The following CDH18 variants were observed in gnomAD, a reference collection of about 807,000 sequenced individuals.
The protein encoded by CDH18 is cadherin 18, also known as cadherin-18.
In CDH18, 31 loss-of-function variants were observed where a neutral mutation model predicts 67.9. The observed-to-expected ratio is 0.46, with a 90% CI of 0.34 to 0.62. CDH18 has a LOEUF of 0.62. Ranked by LOEUF, CDH18 falls within the 20% of genes least tolerant of loss-of-function variation. The pLI is 0.01. For synonymous variants in CDH18, 362 were observed against 347.2 expected, an observed-to-expected ratio of 1.04 and a Z score of -0.48; for missense variants, 890 against 975.5, an observed-to-expected ratio of 0.91 and a Z score of 1.17.
intron 2 of CDH18, among the ~76,000 whole-genome samples, chr5:19,944,358 A>G (rs1273646841): frequency 2.6e-5 from 4 of 152,120 alleles, no homozygotes; most frequent in Non-Finnish European, 5.9e-5. Context: ...TTAATTGGTA[A>G]AACATAAAAC....
At chr5:20,304,929 G>A (rs181298006) in intron 1 of CDH18, 5 of 1,613,378 alleles carry the variant, frequency 3.1e-6, no homozygotes, top group African/African-American at 1.3e-5. Context: ...TTGTATTCAC[G>A]TGCTTCACTA....
At chr5:19,660,891 G>A in intron 5 of CDH18, among the ~76,000 whole-genome samples, 1 of 152,006 alleles carries the variant, frequency 6.6e-6, no homozygotes, top group Non-Finnish European at 1.5e-5. Context: ...GCACTGTGAG[G>A]CAAGAGATGG....
intron 1 of CDH18, among the ~76,000 whole-genome samples, chr5:20,330,853 A>T (rs1382538727): frequency 6.6e-6 from 1 of 152,192 alleles, no homozygotes; most frequent in Non-Finnish European, 1.5e-5. Flanking sequence ...ACTTCTGTTC[A>T]TTCCTGCTAT....
chr5:20,496,477 T>C (rs1368157166), intron 1 of CDH18, among the ~76,000 whole-genome samples: 2 of 152,144 alleles, frequency 1.3e-5, no homozygotes, highest in African/African-American at 4.8e-5. Context: ...TATTTAATAT[T>C]TTACACATAG....
intron 2 of CDH18, among the ~76,000 whole-genome samples, chr5:20,014,420 C>A (rs1737711382): frequency 6.6e-6 from 1 of 151,980 alleles, no homozygotes; most frequent in African/African-American, 2.4e-5. Context: ...GGAAAGTCTT[C>A]CTAGAAAAGA....
intron 1 of CDH18, among the ~76,000 whole-genome samples, chr5:20,553,165 A>G (rs1757730324): frequency 6.6e-6 from 1 of 152,212 alleles, no homozygotes; most frequent in African/African-American, 2.4e-5. Context: ...CAGGATTTAT[A>G]AAACAGCTAA....
intron 3 of CDH18, among the ~76,000 whole-genome samples, chr5:19,784,543 G>A (rs984906951): frequency 1.3e-5 from 2 of 152,134 alleles, no homozygotes; most frequent in Non-Finnish European, 2.9e-5. Context: ...ATAAAACAAT[G>A]CTTGAAATTT....
chr5:20,344,208 G>A (rs1740514964), intron 1 of CDH18, among the ~76,000 whole-genome samples: 1 of 151,990 alleles, frequency 6.6e-6, no homozygotes, highest in Non-Finnish European at 1.5e-5. Flanking sequence ...TTACCAATTG[G>A]CCCAAAGGCT....
chr5:19,713,869 G>A (rs143829991), intron 5 of CDH18, among the ~76,000 whole-genome samples: 16 of 152,142 alleles, frequency 1.1e-4, no homozygotes, highest in African/African-American at 3.9e-4. Context: ...AGAGCAGTGT[G>A]CTCTCTCTGG....
chr5:20,273,155 T>C (rs1745561698), intron 1 of CDH18, among the ~76,000 whole-genome samples: 1 of 152,106 alleles, frequency 6.6e-6, no homozygotes, highest in Non-Finnish European at 1.5e-5. Flanking sequence ...AAAACATTTT[T>C]TGTTTTGTAA....
intron 3 of CDH18, among the ~76,000 whole-genome samples, chr5:19,824,015 C>T (rs1053143531): frequency 6.6e-6 from 1 of 151,666 alleles, no homozygotes; most frequent in African/African-American, 2.4e-5. Flanking sequence ...ACCTTAACAT[C>T]ACAACTAGGG....
In CDH18 at chr5:19,569,368, G is replaced by T. The variant is rs1392821230; in HGVS notation, c.1253+2211C>A. 2.0e-5 allele frequency among the ~76,000 whole-genome samples: 3 copies of T among 152,146 alleles called. No homozygotes were observed. The East Asian group carries it at 5.8e-4, about 30-fold the overall frequency. On this transcript the variant is annotated intron_variant, in intron 8 of 12. Coordinates refer to ENST00000382275, the MANE Select transcript of CDH18 (RefSeq NM_004934.5). ...AGCTCATTGCCTCCAGAAAGTTTTG[G>T]AATACATTCTCCATGCACACCTCCC...
At chr5:19,650,085 AAT>A (rs1353278513) in intron 5 of CDH18, among the ~76,000 whole-genome samples, 3 of 152,010 alleles carry the variant, frequency 2.0e-5, no homozygotes, top group African/African-American at 7.2e-5. Flanking sequence ...ACAATATACT[AAT>A]ATAATTTTCA....
At chr5:20,362,574 G>T (rs2150073164) in intron 1 of CDH18, among the ~76,000 whole-genome samples, 1 of 152,190 alleles carries the variant, frequency 6.6e-6, no homozygotes, top group South Asian at 2.1e-4. Context: ...AAGTTGTATA[G>T]ATCACTGACA....
chr5:20,471,678 T>C (rs1752085767), intron 1 of CDH18, among the ~76,000 whole-genome samples: 1 of 151,336 alleles, frequency 6.6e-6, no homozygotes, highest in African/African-American at 2.4e-5. Flanking sequence ...GGCACATTCC[T>C]GTAATCCCAG....
intron 1 of CDH18, among the ~76,000 whole-genome samples, chr5:20,530,520 G>T (rs901527216): frequency 5.9e-5 from 9 of 152,000 alleles, no homozygotes; most frequent in African/African-American, 1.2e-4. Context: ...AAACAGCATG[G>T]TACTGGTACA....
intron 2 of CDH18, among the ~76,000 whole-genome samples, chr5:19,842,000 T>A (rs1391679714): frequency 2.0e-5 from 3 of 152,210 alleles, no homozygotes; most frequent in Non-Finnish European, 2.9e-5. Flanking sequence ...AGGACATAAC[T>A]TCAAATATAA....
chr5:20,128,838 GT>G (rs149270032), intron 2 of CDH18, among the ~76,000 whole-genome samples: 1 of 151,936 alleles, frequency 6.6e-6, no homozygotes, highest in South Asian at 2.1e-4. Flanking sequence ...GGACACAGCA[GT>G]TTTTTTCCCC....
At chr5:19,553,425 A>G (rs972841059) in intron 8 of CDH18, among the ~76,000 whole-genome samples, 5 of 151,596 alleles carry the variant, frequency 3.3e-5, no homozygotes, top group African/African-American at 1.2e-4. Context: ...AATTAAAAAA[A>G]TAAATAAATA....
Sources: allele counts gnomAD v4.1 joint callset (sites outside exome capture counted in the v4.1 genomes callset), GRCh38; gene constraint gnomAD v4.1.1; transcripts MANE v1.5; gene names NCBI Gene and HGNC (gene_info 2026-07-23, HGNC 2026-07-21).